Variants in PPA1 observed in about 807,000 individuals in gnomAD.
The protein encoded by PPA1 is inorganic pyrophosphatase.
A neutral mutation model predicts 41.8 loss-of-function variants in PPA1; 23 were observed. The ratio of observed to expected loss-of-function variants is 0.55; its 90% confidence interval spans 0.40 to 0.78. The LOEUF (loss-of-function observed/expected upper bound fraction) is 0.78. PPA1 is among the 30% of genes least tolerant of loss of function. The pLI, the probability that PPA1 is intolerant of heterozygous loss-of-function variation, is 0.00. For missense variants in PPA1, 320 were observed against 361.6 expected, an observed-to-expected ratio of 0.89 and a Z score of 0.93; for synonymous variants, 101 against 116.8, an observed-to-expected ratio of 0.86 and a Z score of 0.87.
Position 70,218,761 on chromosome 10 carries a change from T to G in PPA1, c.177+3A>C. On this transcript the variant is annotated splice_donor_region_variant and intron_variant, in intron 3 of 10. Transcript: ENST00000373232. ...CTGACTCAAATGTAAGGTGAAATAT[T>G]ACCTCCATTTTTGCATTAGACCAGC... The G allele has an allele frequency of 4.4e-6, 7 of 1,601,856 alleles. No homozygotes were observed. Among genetic ancestry groups the G allele is most frequent in the Non-Finnish European group, 6.0e-6 (7 of 1,169,164 alleles).
chr10:70,223,687 T>C (rs562003703), intron 2 of PPA1, among the ~76,000 whole-genome samples: 1 of 152,354 alleles, frequency 6.6e-6, no homozygotes, highest in South Asian at 2.1e-4. Flanking sequence ...ATGAATTTTA[T>C]AGCAACAGAG....
chr10:70,216,133 GAGTA>G lies in PPA1; in HGVS notation c.298-1551_298-1548del, dbSNP rs535115574. Among the ~76,000 whole-genome samples, 12 of 152,298 alleles carry G rather than the reference GAGTA, an allele frequency of 7.9e-5. No individual in the cohort carries two copies. In the South Asian group the frequency reaches 2.1e-3, roughly 26 times the overall value. On this transcript the variant is annotated intron_variant, in intron 4 of 10. Transcript: ENST00000373232. ...AGAAAGCAAAATCCAACCCACAGAA[GAGTA>G]AGTATTTCAGCAATGTTCTCCTACA...
rs762127765 is a variant in PPA1, at chr10:70,217,943, A to G, written c.178-12T>C. 9.8e-6 allele frequency: 15 copies of G among 1,530,886 alleles called. No homozygotes were observed. Among genetic ancestry groups the G allele is most frequent in the South Asian group, 2.5e-5 (2 of 80,714 alleles). 94.8% of individuals were successfully genotyped at this position (1,530,886 alleles called of 1,614,324 possible). The stretch of plus-strand genomic sequence containing the variant: ...TCCTTTGTAGCAATCTGAAATAAGA[A>G]AATTTCAAATCTTTGCATATTTGGA... On this transcript the variant is annotated splice_polypyrimidine_tract_variant and intron_variant, in intron 3 of 10. Transcript: ENST00000373232.
At chr10:70,233,212 G>A (rs376920642) in intron 1 of PPA1, 52 bp downstream of exon 1, 356 of 1,517,428 alleles carry the variant, frequency 2.3e-4, no homozygotes, top group Admixed American at 5.6e-4. Context: ...GGCAAGGCCC[G>A]GGAATGAATG....
At chr10:70,231,707 T>A (rs909095193) in intron 1 of PPA1, among the ~76,000 whole-genome samples, 1 of 152,272 alleles carries the variant, frequency 6.6e-6, no homozygotes, top group Non-Finnish European at 1.5e-5. Context: ...TAAGGAAGGA[T>A]AAAGCACTTA....
chr10:70,220,572 A>T (rs12765594), intron 2 of PPA1, among the ~76,000 whole-genome samples: 1 of 60,756 alleles, frequency 1.6e-5, no homozygotes, highest in Admixed American at 3.1e-4. Context: ...TTATATATAT[A>T]ATATATATAA....
chr10:70,218,505 A>C (rs1214407049), intron 3 of PPA1: 1 of 443,950 alleles, frequency 2.3e-6, no homozygotes, highest in African/African-American at 2.0e-5. Flanking sequence ...GAGTAAGAGG[A>C]GAAAAAGTAA....
intron 2 of PPA1, among the ~76,000 whole-genome samples, chr10:70,228,148 C>A (rs1293044059): frequency 6.6e-6 from 1 of 152,138 alleles, no homozygotes; most frequent in Non-Finnish European, 1.5e-5. Flanking sequence ...TGAGCTGGGA[C>A]AGGGCGTGCC....
At chr10:70,228,571 G>A (rs1348134131) in intron 2 of PPA1, among the ~76,000 whole-genome samples, 1 of 152,166 alleles carries the variant, frequency 6.6e-6, no homozygotes, top group East Asian at 1.9e-4. Context: ...GCCAATTGAA[G>A]AGGGAAGGAT....
intron 2 of PPA1, among the ~76,000 whole-genome samples, chr10:70,227,790 T>C (rs1840247643): frequency 6.6e-6 from 1 of 151,870 alleles, no homozygotes. Context: ...ACATGCTCAC[T>C]AGATCATGAC....
chr10:70,232,416 T>C (rs1840298443), intron 1 of PPA1, among the ~76,000 whole-genome samples: 1 of 152,140 alleles, frequency 6.6e-6, no homozygotes, highest in Non-Finnish European at 1.5e-5. Flanking sequence ...AAACCCCAAG[T>C]AGCTTTCCTC....
chr10:70,222,995 C>T (rs1277941626), intron 2 of PPA1, among the ~76,000 whole-genome samples: 1 of 152,058 alleles, frequency 6.6e-6, no homozygotes, highest in African/African-American at 2.4e-5. Flanking sequence ...ATCCATGTCC[C>T]TACAAAGGAC....
In PPA1 at chr10:70,204,863, G is replaced by T; in HGVS notation, c.838+10C>A. On this transcript the variant is annotated intron_variant, in intron 10 of 10. Transcript: ENST00000373232. ...TGTTTAATGAAATTTTACTGGAATA[G>T]AAATCTTACCGTCTGTTGGTACTGT... is the stretch of plus-strand genomic sequence containing the variant. 6.3e-7 allele frequency: 1 copy of T among 1,578,364 alleles called. No homozygotes were observed. Among genetic ancestry groups the T allele is most frequent in the Non-Finnish European group, 8.6e-7 (1 of 1,157,610 alleles).
At chr10:70,232,616 T>G (rs1564587487) in intron 1 of PPA1, among the ~76,000 whole-genome samples, 3 of 152,166 alleles carry the variant, frequency 2.0e-5, no homozygotes, top group Admixed American at 1.3e-4. Context: ...CTGTTTGATT[T>G]GAGGGAAACA....
intron 8 of PPA1, among the ~76,000 whole-genome samples, chr10:70,207,489 C>T: frequency 6.6e-6 from 1 of 152,050 alleles, no homozygotes; most frequent in African/African-American, 2.4e-5. Flanking sequence ...GACAACACAG[C>T]AAGACACTGT....
intron 6 of PPA1, among the ~76,000 whole-genome samples, chr10:70,213,035 A>T (rs1840039875): frequency 6.6e-6 from 1 of 152,204 alleles, no homozygotes; most frequent in African/African-American, 2.4e-5. Context: ...GTGATTGCCC[A>T]TGGATACAGG....
At chr10:70,217,306 T>G (rs1168705033) in intron 4 of PPA1, among the ~76,000 whole-genome samples, 1 of 152,180 alleles carries the variant, frequency 6.6e-6, no homozygotes, top group African/African-American at 2.4e-5. Context: ...GCTTGTTGTG[T>G]GCAGGTATTA....
rs770731214 is a variant in PPA1 at position 70,206,250 on chromosome 10, A to C, written c.795+14T>G. The C allele has an allele frequency of 6.3e-7, 1 of 1,596,194 alleles. No homozygotes were observed. The highest frequency in any genetic ancestry group is 8.6e-7 in the Non-Finnish European group (1 of 1,168,434). On this transcript the variant is annotated intron_variant, in intron 9 of 10. Transcript: ENST00000373232. ...AACCAGGCTTGTTTTTTTTTTAAGG[A>C]AACTTTTACATACAGCATCCACAAT...
chr10:70,233,333 C>A lies in PPA1; in HGVS notation c.-6G>T. 6.5e-7 allele frequency: 1 copy of A among 1,537,048 alleles called. No individual in the cohort carries two copies. ...TCGGTGCTGAAGCCGCTCATAGTGC[C>A]GGAGTCCTGCCGCCGCCGCTGCCAC... On this transcript the variant is annotated 5_prime_UTR_variant, in exon 1 of 11. Transcript: ENST00000373232.
Sources: gnomAD v4.1 joint callset for allele counts (sites outside exome capture counted in the v4.1 genomes callset) on GRCh38, gnomAD v4.1.1 for gene constraint, MANE v1.5 for transcripts, NCBI Gene and HGNC (gene_info 2026-07-23, HGNC 2026-07-21) for gene names.